PID1: variants seen among roughly 807,000 people sequenced by gnomAD.
The protein encoded by PID1 is phosphotyrosine interaction domain containing 1.
A neutral mutation model predicts 19.1 loss-of-function variants in PID1; 10 were observed. That is an observed-to-expected ratio of 0.52 (90% CI 0.32 to 0.89). PID1 has a LOEUF of 0.89. Ranked by LOEUF, PID1 falls within the 40% of genes least tolerant of loss-of-function variation. The probability of loss-of-function intolerance (pLI) is 0.03; values close to 1 mark genes in which losing one functional copy is unlikely to be tolerated. For synonymous variants in PID1, 130 were observed against 116.0 expected (o/e 1.12, Z -0.78); for missense variants, 248 against 285.3 (o/e 0.87, Z 0.94).
chr2:229,113,494 ATGTG>A (rs545538306), intron 2 of PID1, among the ~76,000 whole-genome samples: 1 of 117,222 alleles, frequency 8.5e-6, no homozygotes, highest in African/African-American at 3.3e-5. Context: ...ATATACATGT[ATGTG>A]TGTGTGTATA....
At chr2:229,126,450 A>G (rs75570596) in intron 2 of PID1, among the ~76,000 whole-genome samples, 3,306 of 152,216 alleles carry the variant, frequency 0.022, 126 homozygotes, top group African/African-American at 0.076. Context: ...TGTATTACAC[A>G]TTTCTCAGCT....
intron 2 of PID1, among the ~76,000 whole-genome samples, chr2:229,048,589 G>A (rs1693929865): frequency 6.6e-6 from 1 of 152,152 alleles, no homozygotes; most frequent in Non-Finnish European, 1.5e-5. Flanking sequence ...ACCACGGCAG[G>A]AAGGGACTGA....
chr2:229,075,035 A>C (rs1399425522), intron 2 of PID1, among the ~76,000 whole-genome samples: 1 of 152,238 alleles, frequency 6.6e-6, no homozygotes, highest in Non-Finnish European at 1.5e-5. Flanking sequence ...TCAAAAATGC[A>C]TTTAATACAC....
intron 1 of PID1, among the ~76,000 whole-genome samples, chr2:229,267,201 T>G (rs1323078550): frequency 6.6e-6 from 1 of 152,150 alleles, no homozygotes; most frequent in East Asian, 1.9e-4. Context: ...AAAAGAAAGC[T>G]TTTTCAGGAT....
rs1319033110 is a variant in PID1 at position 229,260,816 on chromosome 2, C to CTT, written c.30+10197_30+10198insAA. On this transcript the variant is annotated intron_variant, in intron 1 of 2. Transcript: ENST00000392055. Reference sequence around the variant, plus strand: ...CAGATGTAGAGAAAATTCTGATTGCCATTTTTTTTTTTTTTTTTTTTTTGG... The same window carrying CTT: ...CAGATGTAGAGAAAATTCTGATTGCCTTATTTTTTTTTTTTTTTTTTTTTTGG... Among the ~76,000 whole-genome samples the CTT allele has an allele frequency of 5.9e-4, 71 of 121,170 alleles. 2 individuals carry two copies. The highest frequency in any genetic ancestry group is 1.2e-3 in the South Asian group (4 of 3,470). The allele number at this position is 121,170 out of a possible 152,430, so 79.5% of individuals were successfully genotyped here.
In PID1 at chr2:229,126,156, T is replaced by C. The variant is rs527379942; in HGVS notation, c.177+29662A>G. ...TGCCAGATGCAACAGTAAATGCCTC[T>C]TTAAAAACACAAAAACAAAAAAGTT... On this transcript the variant is annotated intron_variant, in intron 2 of 2. Coordinates refer to ENST00000392055, the MANE Select transcript of PID1 (RefSeq NM_001100818.2). 4.6e-5 allele frequency among the ~76,000 whole-genome samples: 7 copies of C among 152,264 alleles called. No homozygotes were observed. The South Asian group carries it at 1.0e-3, about 23-fold the overall frequency.
intron 2 of PID1, among the ~76,000 whole-genome samples, chr2:229,083,280 T>C (rs1694703155): frequency 6.6e-6 from 1 of 152,310 alleles, no homozygotes; most frequent in Admixed American, 6.5e-5. Context: ...GTGGCTAATG[T>C]ATACCAAGTA....
At chr2:229,070,999 A>C (rs2098375339) in intron 2 of PID1, among the ~76,000 whole-genome samples, 1 of 152,198 alleles carries the variant, frequency 6.6e-6, no homozygotes. Context: ...ATTTTTAGAA[A>C]TCTACCTCTA....
intron 2 of PID1, among the ~76,000 whole-genome samples, chr2:229,111,745 T>G (rs1379631844): frequency 6.6e-6 from 1 of 152,188 alleles, no homozygotes; most frequent in African/African-American, 2.4e-5. Flanking sequence ...AGCCTTTTAA[T>G]AAAGAATATA....
In PID1 at chr2:229,072,295, T is replaced by A. The variant is rs367658817; in HGVS notation, c.178-46187A>T. Among the ~76,000 whole-genome samples the A allele has an allele frequency of 1.6e-4, 24 of 152,270 alleles. No individual in the cohort carries two copies. The East Asian group carries it at 2.7e-3, about 17-fold the overall frequency. ...TTAATATCAGGAGGTATGCTAATTGTATAAAACTATAGGCCAGGCGTGGTG... is the reference window on the plus strand; with the variant it reads ...TTAATATCAGGAGGTATGCTAATTGAATAAAACTATAGGCCAGGCGTGGTG... On this transcript the variant is annotated intron_variant, in intron 2 of 2. Coordinates refer to ENST00000392055, the MANE Select transcript of PID1 (RefSeq NM_001100818.2).
At chr2:229,134,552 T>C (rs889206039) in intron 2 of PID1, among the ~76,000 whole-genome samples, 1 of 152,060 alleles carries the variant, frequency 6.6e-6, no homozygotes, top group African/African-American at 2.4e-5. Flanking sequence ...ACTGTTGTTA[T>C]CTGATTCCAA....
At chr2:229,227,680 T>C (rs1692108373) in intron 1 of PID1, among the ~76,000 whole-genome samples, 2 of 152,164 alleles carry the variant, frequency 1.3e-5, no homozygotes, top group African/African-American at 4.8e-5. Context: ...CCTTGCTCTT[T>C]CTTCATCCCT....
chr2:229,168,474 T>A (rs1690646951), intron 1 of PID1, among the ~76,000 whole-genome samples: 1 of 152,206 alleles, frequency 6.6e-6, no homozygotes, highest in African/African-American at 2.4e-5. Flanking sequence ...GCCTTCTTCA[T>A]CCCTTTTACT....
intron 2 of PID1, among the ~76,000 whole-genome samples, chr2:229,094,606 A>C (rs1694938274): frequency 6.6e-6 from 1 of 152,142 alleles, no homozygotes; most frequent in Non-Finnish European, 1.5e-5. Flanking sequence ...AACAAGTGGA[A>C]GACAATAGAG....
At chr2:229,143,993 A>G (rs1392828790) in intron 2 of PID1, among the ~76,000 whole-genome samples, 1 of 152,124 alleles carries the variant, frequency 6.6e-6, no homozygotes, top group African/African-American at 2.4e-5. Flanking sequence ...AAGAATATTA[A>G]TATCTGAATC....
At chr2:229,066,083 C>T (rs186103682) in intron 2 of PID1, among the ~76,000 whole-genome samples, 11 of 152,118 alleles carry the variant, frequency 7.2e-5, no homozygotes, top group African/African-American at 2.6e-4. Flanking sequence ...TTTTAAGCCA[C>T]ACACAAAAAA....
chr2:229,223,405 T>G (rs1295017511), intron 1 of PID1, among the ~76,000 whole-genome samples: 1 of 152,244 alleles, frequency 6.6e-6, no homozygotes, highest in Non-Finnish European at 1.5e-5. Context: ...TGGTGTTTCT[T>G]ATGCATTGGT....
intron 2 of PID1, among the ~76,000 whole-genome samples, chr2:229,134,695 T>C (rs6436845): frequency 0.57 from 87,045 of 151,960 alleles, 25,066 homozygotes; most frequent in Admixed American, 0.65. Flanking sequence ...TATTTTTTTT[T>C]GGCATAAAGA....
intron 1 of PID1, among the ~76,000 whole-genome samples, chr2:229,159,164 C>T (rs528843983): frequency 1.1e-4 from 16 of 152,200 alleles, no homozygotes; most frequent in Admixed American, 3.9e-4. Flanking sequence ...TATTATTGTG[C>T]GTTGCATGCC....
Sources: gnomAD v4.1 joint callset for allele counts (sites outside exome capture counted in the v4.1 genomes callset) on GRCh38, gnomAD v4.1.1 for gene constraint, MANE v1.5 for transcripts, NCBI Gene and HGNC (gene_info 2026-07-23, HGNC 2026-07-21) for gene names.